The following EFR3A variants were observed in gnomAD, a reference collection of about 807,000 sequenced individuals.
EFR3A encodes the protein EFR3 homolog A, also known as protein EFR3 homolog A.
EFR3A carries 76 observed loss-of-function variants against 104.4 expected under a neutral mutation model. That is an observed-to-expected ratio of 0.73 (90% CI 0.60 to 0.88). The LOEUF (loss-of-function observed/expected upper bound fraction) is 0.88. Ranked by LOEUF, EFR3A falls within the 40% of genes least tolerant of loss-of-function variation. EFR3A has a pLI of 0.00. For synonymous variants in EFR3A, 330 were observed against 330.0 expected (o/e 1.00, Z 0.00); for missense variants, 985 against 1,012.5 (o/e 0.97, Z 0.37).
chr8:131,990,498 G>A (rs943899714), intron 18 of EFR3A, among the ~76,000 whole-genome samples: 2 of 152,172 alleles, frequency 1.3e-5, no homozygotes, highest in African/African-American at 4.8e-5. Flanking sequence ...TTTGTTCCGT[G>A]AATTAATATA....
chr8:131,994,468 C>T lies in EFR3A; in HGVS notation c.2066-1938C>T, dbSNP rs113117290. On this transcript the variant is annotated intron_variant, in intron 18 of 22. Coordinates refer to ENST00000254624, the MANE Select transcript of EFR3A (RefSeq NM_015137.6). ...CTTCCATTTATCTCTGTGTACCATG[C>T]ATGCATTATAATTTAATGTGTGCAG... 2.6e-4 allele frequency among the ~76,000 whole-genome samples: 39 copies of T among 152,292 alleles called. 1 individual carries two copies. Among genetic ancestry groups the T allele is most frequent in the African/African-American group, 8.9e-4 (37 of 41,572 alleles).
Position 132,012,888 on chromosome 8 carries a change from A to C in EFR3A, c.*1993A>C, listed in dbSNP as rs766186269. ...ATGTAAAGGAAAACCATTACAATTAATGTTTATCACACCTTTATCTTGGTC... is the reference window on the plus strand; with the variant it reads ...ATGTAAAGGAAAACCATTACAATTACTGTTTATCACACCTTTATCTTGGTC... On this transcript the variant is annotated 3_prime_UTR_variant, in exon 23 of 23. Coordinates refer to ENST00000254624, the MANE Select transcript of EFR3A (RefSeq NM_015137.6). 6 of 152,220 alleles carry C rather than the reference A, an allele frequency of 3.9e-5. No homozygotes were observed. The highest frequency in any genetic ancestry group is 8.8e-5 in the Non-Finnish European group (6 of 68,036). The allele number at this position is 152,220 out of a possible 1,614,324, so 9.4% of individuals were successfully genotyped here.
chr8:131,971,549 G>A (rs921157016), intron 10 of EFR3A, among the ~76,000 whole-genome samples: 18 of 152,052 alleles, frequency 1.2e-4, no homozygotes, highest in African/African-American at 2.4e-5. Context: ...TTAGCCGGGC[G>A]AGGTGGCGGG....
intron 7 of EFR3A, among the ~76,000 whole-genome samples, chr8:131,958,503 T>A (rs1490400855): frequency 6.6e-6 from 1 of 152,150 alleles, no homozygotes; most frequent in African/African-American, 2.4e-5. Context: ...GTTCAAATTC[T>A]TCTTCGAATG....
chr8:132,006,046 A>T (rs955012809), intron 22 of EFR3A, among the ~76,000 whole-genome samples: 5 of 152,186 alleles, frequency 3.3e-5, no homozygotes, highest in Non-Finnish European at 4.4e-5. Context: ...AAAACATTTT[A>T]AACTGAAAAT....
chr8:131,979,454 T>C (rs1820492436), intron 14 of EFR3A, 33 bp downstream of exon 14: 2 of 1,387,848 alleles, frequency 1.4e-6, no homozygotes, highest in Admixed American at 4.0e-5. Context: ...AAATGTGTAG[T>C]GTAAATTACA....
chr8:131,916,191 A>G (rs1400790959), intron 1 of EFR3A, among the ~76,000 whole-genome samples: 1 of 152,256 alleles, frequency 6.6e-6, no homozygotes, highest in African/African-American at 2.4e-5. Flanking sequence ...ACAAGTTGCT[A>G]TGTAAACATG....
In EFR3A at chr8:131,986,014, G is replaced by T. The variant is rs930725671; in HGVS notation, c.1870-180G>T. On this transcript the variant is annotated intron_variant, in intron 16 of 22. Coordinates refer to ENST00000254624, the MANE Select transcript of EFR3A (RefSeq NM_015137.6). ...CTGTTAAATTTTAAAAATAATAGATGTGAAAACAAAACAAACTTTACATTT... is the reference window on the plus strand; with the variant it reads ...CTGTTAAATTTTAAAAATAATAGATTTGAAAACAAAACAAACTTTACATTT... Among the ~76,000 whole-genome samples, 9 of 152,062 alleles carry T rather than the reference G, an allele frequency of 5.9e-5. 2 individuals carry two copies. The highest frequency in any genetic ancestry group is 3.3e-4 in the Admixed American group (5 of 15,264).
At chr8:131,946,745 G>A in intron 4 of EFR3A, 112 bp downstream of exon 4, 1 of 1,011,860 alleles carries the variant, frequency 9.9e-7, no homozygotes, top group Non-Finnish European at 1.4e-6. Flanking sequence ...TAGGGCATTT[G>A]AACAGTCAAC....
At chr8:131,934,904 T>C (rs1817799339) in intron 1 of EFR3A, among the ~76,000 whole-genome samples, 1 of 152,158 alleles carries the variant, frequency 6.6e-6, no homozygotes, top group Non-Finnish European at 1.5e-5. Context: ...TTTTTGATTG[T>C]ATGAAGTAAA....
At chr8:131,969,159 A>G (rs1819916491) in intron 9 of EFR3A, among the ~76,000 whole-genome samples, 1 of 152,200 alleles carries the variant, frequency 6.6e-6, no homozygotes, top group African/African-American at 2.4e-5. Context: ...AGAAAAAGGG[A>G]TAGTTCAAAA....
intron 1 of EFR3A, among the ~76,000 whole-genome samples, chr8:131,931,381 T>C (rs934337852): frequency 6.6e-6 from 1 of 152,158 alleles, no homozygotes; most frequent in African/African-American, 2.4e-5. Flanking sequence ...CTTAGAGATG[T>C]GTTAATGTTA....
intron 22 of EFR3A, among the ~76,000 whole-genome samples, chr8:132,005,917 A>T (rs979629272): frequency 2.0e-4 from 31 of 152,188 alleles, no homozygotes; most frequent in Admixed American, 1.8e-3. Flanking sequence ...CATCATATTG[A>T]GTATGTTCTC....
rs1820760393 is a variant in EFR3A at position 131,984,218 on chromosome 8, A to C, written c.1655A>C (p.Tyr552Ser). The change falls in exon 15 of 23, where the codon TAT becomes TCT. Residue 552 changes from tyrosine (Y) to serine (S), a missense_variant. Tyr to Ser is a moderately radical substitution (Grantham distance 144). Coordinates refer to ENST00000254624, the MANE Select transcript of EFR3A (RefSeq NM_015137.6). ...DNVQKNYELL[Y>S]TSLALITIEL... Reference sequence around the variant, plus strand: ...GTTCAGAAAAACTATGAACTACTTTATACTTCTCTTGCTCTTATAACTATT... The same window carrying C: ...GTTCAGAAAAACTATGAACTACTTTCTACTTCTCTTGCTCTTATAACTATT... 2 of 1,611,804 alleles carry C rather than the reference A, an allele frequency of 1.2e-6. No homozygotes were observed. The highest frequency in any genetic ancestry group is 2.7e-5 in the African/African-American group (2 of 74,804).
At chr8:131,994,679 C>T (rs6471021) in intron 18 of EFR3A, among the ~76,000 whole-genome samples, 131,329 of 152,220 alleles carry the variant, frequency 0.86, 56,775 homozygotes, top group East Asian at 0.94. Context: ...AGATTTTGAA[C>T]GATGACACTC....
Position 131,929,672 on chromosome 8 carries a change from T to C in EFR3A, c.11-10827T>C, listed in dbSNP as rs1817486880. ...ATTTAGTTTAGTGCCTAGGGCATGGTAGGCTTCACTAAATGATTGTTAAAA... is the reference window on the plus strand; with the variant it reads ...ATTTAGTTTAGTGCCTAGGGCATGGCAGGCTTCACTAAATGATTGTTAAAA... On this transcript the variant is annotated intron_variant, in intron 1 of 22. Coordinates refer to ENST00000254624, the MANE Select transcript of EFR3A (RefSeq NM_015137.6). 2.0e-5 allele frequency among the ~76,000 whole-genome samples: 3 copies of C among 152,156 alleles called. No individual in the cohort carries two copies. The South Asian group carries it at 6.2e-4, about 31-fold the overall frequency.
intron 18 of EFR3A, among the ~76,000 whole-genome samples, chr8:131,994,315 G>A (rs1315118425): frequency 6.6e-6 from 1 of 151,940 alleles, no homozygotes; most frequent in Non-Finnish European, 1.5e-5. Context: ...CTGTTACACT[G>A]ATTCTAGACC....
Position 131,955,768 on chromosome 8 carries a change from TCGCATAGGCCC to T in EFR3A, c.640_650del (p.Arg214SerfsTer8), listed in dbSNP as rs1312764348. The T allele has an allele frequency of 1.2e-6, 2 of 1,603,792 alleles. No homozygotes were observed. Among genetic ancestry groups the T allele is most frequent in the Non-Finnish European group, 1.7e-6 (2 of 1,176,274 alleles). On this transcript the variant is annotated frameshift_variant and splice_region_variant, in exon 7 of 23. Transcript: ENST00000254624. LOFTEE classifies it high-confidence loss of function. ...TTCTTTATTTCTCGTTCCTTTTTAG[TCGCATAGGCCC>T]TCCTTCTTCTCCTTCTGCAACTGAC...
intron 1 of EFR3A, among the ~76,000 whole-genome samples, chr8:131,921,038 T>C (rs1175918379): frequency 1.3e-5 from 2 of 152,206 alleles, no homozygotes; most frequent in African/African-American, 2.4e-5. Flanking sequence ...TGATTTTCCA[T>C]TGTATTTGCA....
Sources: allele counts gnomAD v4.1 joint callset (sites outside exome capture counted in the v4.1 genomes callset), GRCh38; gene constraint gnomAD v4.1.1; transcripts MANE v1.5; gene names NCBI Gene and HGNC (gene_info 2026-07-23, HGNC 2026-07-21).